The following ESRRB variants were observed in gnomAD, a reference collection of about 807,000 sequenced individuals.
The protein encoded by ESRRB is steroid hormone receptor ERR2.
ESRRB carries 16 observed loss-of-function variants against 46.0 expected under a neutral mutation model. The observed-to-expected ratio is 0.35, with a 90% CI of 0.24 to 0.53. The LOEUF (loss-of-function observed/expected upper bound fraction) is 0.53. Ranked by LOEUF, ESRRB falls within the 20% of genes least tolerant of loss-of-function variation. The pLI, the probability that ESRRB is intolerant of heterozygous loss-of-function variation, is 0.93. For synonymous variants in ESRRB, 246 were observed against 259.6 expected (o/e 0.95, Z 0.50); for missense variants, 488 against 607.4 (o/e 0.80, Z 2.07).
intron 2 of ESRRB, among the ~76,000 whole-genome samples, chr14:76,456,972 G>A (rs891083546): frequency 6.6e-6 from 1 of 152,134 alleles, no homozygotes; most frequent in African/African-American, 2.4e-5. Flanking sequence ...TTTGAGCTCT[G>A]TCATTAGCCA....
chr14:76,413,839 T>G (rs2139868231), intron 1 of ESRRB, among the ~76,000 whole-genome samples: 1 of 90,082 alleles, frequency 1.1e-5, no homozygotes, highest in East Asian at 3.6e-4. Flanking sequence ...CCCCACCCCG[T>G]ACCATCCTCA....
In ESRRB at chr14:76,499,786, C is replaced by A; in HGVS notation, c.*1328C>A. The A allele has an allele frequency of 8.2e-7, 1 of 1,220,772 alleles. No individual in the cohort carries two copies. Among genetic ancestry groups the A allele is most frequent in the South Asian group, 1.2e-5 (1 of 82,858 alleles). The allele number at this position is 1,220,772 out of a possible 1,614,324, so 75.6% of individuals were successfully genotyped here. ...CCCCAGGCACACGGGGACAGTGGGT[C>A]ACTCTATTTCTGTGGATGGCCGTGA... On this transcript the variant is annotated 3_prime_UTR_variant, in exon 7 of 7. Coordinates refer to ENST00000644823, the MANE Select transcript of ESRRB (RefSeq NM_001379180.1).
chr14:76,488,858 C>T (rs1013714427), intron 5 of ESRRB, among the ~76,000 whole-genome samples: 4 of 152,200 alleles, frequency 2.6e-5, no homozygotes, highest in African/African-American at 9.6e-5. Context: ...TTTGCTGTAG[C>T]TCTTCTTATA....
intron 1 of ESRRB, among the ~76,000 whole-genome samples, chr14:76,323,847 G>A (rs1351831389): frequency 6.6e-6 from 1 of 152,214 alleles, no homozygotes; most frequent in Non-Finnish European, 1.5e-5. Flanking sequence ...TCTGGTTTCT[G>A]GGGCCATTGC....
intron 1 of ESRRB, among the ~76,000 whole-genome samples, chr14:76,336,003 G>T (rs902604234): frequency 7.2e-5 from 11 of 152,202 alleles, no homozygotes; most frequent in African/African-American, 2.7e-4. Flanking sequence ...ATCCAAGATT[G>T]CACAGCAAAT....
chr14:76,439,235 A>C (rs1887804864), intron 1 of ESRRB, 106 bp from the exon 2 acceptor site: 1 of 1,304,068 alleles, frequency 7.7e-7, no homozygotes, highest in East Asian at 2.3e-5. Context: ...TATCGCACCA[A>C]AGCCTTAGCA....
intron 1 of ESRRB, among the ~76,000 whole-genome samples, chr14:76,408,591 C>CAAAAAAAAAAAAA (rs35955826): frequency 2.4e-5 from 1 of 42,152 alleles, no homozygotes; most frequent in African/African-American, 1.1e-4. Context: ...GACCCTGTCT[C>CAAAAAAAAAAAAA]AAAAAAAAAA....
chr14:76,460,100 A>G (rs976573622), intron 2 of ESRRB, among the ~76,000 whole-genome samples: 6 of 152,228 alleles, frequency 3.9e-5, no homozygotes, highest in Non-Finnish European at 7.3e-5. Flanking sequence ...TGTTAATGGT[A>G]GAACATGGTT....
At chr14:76,463,366 T>C (rs1220188035) in intron 3 of ESRRB, 1 of 152,156 alleles carries the variant, frequency 6.6e-6, no homozygotes, top group Non-Finnish European at 1.5e-5. Flanking sequence ...CTTTTAAAAA[T>C]GTGATTGCAT....
Position 76,499,954 on chromosome 14 carries a change from G to A in ESRRB, c.*1496G>A, listed in dbSNP as rs1427573999. 2 of 1,611,988 alleles carry A rather than the reference G, an allele frequency of 1.2e-6. No homozygotes were observed. Among genetic ancestry groups the A allele is most frequent in the Non-Finnish European group, 1.7e-6 (2 of 1,179,162 alleles). On this transcript the variant is annotated 3_prime_UTR_variant, in exon 7 of 7. Coordinates refer to ENST00000644823, the MANE Select transcript of ESRRB (RefSeq NM_001379180.1). Reference sequence around the variant, plus strand: ...CCCTTCCAATCAGCTGCCTTCACAAGCAGGGATCAGAGCAACTCCCCGGGG... The same window carrying A: ...CCCTTCCAATCAGCTGCCTTCACAAACAGGGATCAGAGCAACTCCCCGGGG...
chr14:76,446,331 A>T (rs1209866072), intron 2 of ESRRB, among the ~76,000 whole-genome samples: 1 of 150,850 alleles, frequency 6.6e-6, no homozygotes, highest in Admixed American at 6.6e-5. Flanking sequence ...ACCCTGCCCA[A>T]TTCTATGCTA....
chr14:76,469,089 T>A (rs1889248839), intron 3 of ESRRB, among the ~76,000 whole-genome samples: 1 of 152,068 alleles, frequency 6.6e-6, no homozygotes, highest in South Asian at 2.1e-4. Context: ...AAGGACTTCA[T>A]TCCTTTATTT....
chr14:76,344,836 A>G (rs1420681713), intron 1 of ESRRB, among the ~76,000 whole-genome samples: 2 of 149,046 alleles, frequency 1.3e-5, no homozygotes, highest in Non-Finnish European at 3.0e-5. Context: ...TGGGTGACAG[A>G]GACTCCATCT....
chr14:76,388,475 G>GCACC (rs200919948), intron 1 of ESRRB, among the ~76,000 whole-genome samples: 2,594 of 152,214 alleles, frequency 0.017, 33 homozygotes, highest in Non-Finnish European at 0.023. Context: ...GTGAGCCACT[G>GCACC]CACCCGGCCT....
chr14:76,410,323 G>A (rs1356096676), intron 1 of ESRRB, among the ~76,000 whole-genome samples: 1 of 152,148 alleles, frequency 6.6e-6, no homozygotes, highest in East Asian at 1.9e-4. Context: ...TTAAAAAAAA[G>A]TAATACATTC....
chr14:76,397,838 C>G (rs970701211), intron 1 of ESRRB, among the ~76,000 whole-genome samples: 1 of 152,322 alleles, frequency 6.6e-6, no homozygotes, highest in African/African-American at 2.4e-5. Flanking sequence ...AATGCACTAC[C>G]TCCTGAGCAG....
intron 1 of ESRRB, among the ~76,000 whole-genome samples, chr14:76,363,777 C>T (rs545394139): frequency 2.5e-3 from 387 of 152,330 alleles, no homozygotes; most frequent in Non-Finnish European, 4.0e-3. Context: ...TACTCACAAA[C>T]GCCCTTTCTT....
At chr14:76,331,773 G>T (rs1013727566) in intron 1 of ESRRB, among the ~76,000 whole-genome samples, 1 of 151,590 alleles carries the variant, frequency 6.6e-6, no homozygotes, top group Non-Finnish European at 1.5e-5. Context: ...GCTTGGTTTG[G>T]GTTGGGAGGC....
Position 76,499,598 on chromosome 14 carries a change from G to T in ESRRB, c.*1140G>T. On this transcript the variant is annotated 3_prime_UTR_variant, in exon 7 of 7. Transcript: ENST00000644823. ...AGTGTACCAGTGCCACAGGAGGGGT[G>T]CCCTCCTACCACACTTGGGCTACCA... The T allele has an allele frequency of 1.8e-6, 1 of 543,304 alleles. No individual in the cohort carries two copies. The highest frequency in any genetic ancestry group is 3.3e-6 in the Non-Finnish European group (1 of 299,784). The allele number at this position is 543,304 out of a possible 1,614,324, so 33.7% of individuals were successfully genotyped here.
Sources: allele counts gnomAD v4.1 joint callset (sites outside exome capture counted in the v4.1 genomes callset), GRCh38; gene constraint gnomAD v4.1.1; transcripts MANE v1.5; gene names NCBI Gene and HGNC (gene_info 2026-07-23, HGNC 2026-07-21).